Variants in ARFGEF1 observed in about 807,000 individuals in gnomAD.
The protein encoded by ARFGEF1 is ARF guanine nucleotide exchange factor 1.
In ARFGEF1, 42 loss-of-function variants were observed where a neutral mutation model predicts 231.0. The ratio of observed to expected loss-of-function variants is 0.18; its 90% CI spans 0.14 to 0.24. The LOEUF is 0.24. Ranked by LOEUF, ARFGEF1 falls within the 10% of genes least tolerant of loss-of-function variation. The pLI, the probability that ARFGEF1 is intolerant of heterozygous loss-of-function variation, is 1.00. For missense variants in ARFGEF1, 1,345 were observed against 2,192.0 expected (o/e 0.61, Z 7.72); for synonymous variants, 710 against 732.3 (o/e 0.97, Z 0.49).
chr8:67,268,842 T>C (rs573982273), intron 10 of ARFGEF1, among the ~76,000 whole-genome samples: 2 of 152,302 alleles, frequency 1.3e-5, no homozygotes, highest in African/African-American at 4.8e-5. Context: ...GCTTAATAAA[T>C]AGAACATAGA....
At chr8:67,310,098 C>G (rs1223678813) in intron 1 of ARFGEF1, among the ~76,000 whole-genome samples, 1 of 152,088 alleles carries the variant, frequency 6.6e-6, no homozygotes, top group African/African-American at 2.4e-5. Context: ...TCCCCTCTCC[C>G]TCTCCCTCTC....
chr8:67,240,914 C>T (rs1169077999), intron 19 of ARFGEF1, among the ~76,000 whole-genome samples: 1 of 152,018 alleles, frequency 6.6e-6, no homozygotes, highest in Non-Finnish European at 1.5e-5. Context: ...AATGAAGTTA[C>T]AATATAAAGC....
chr8:67,302,427 C>T lies in ARFGEF1; in HGVS notation c.155+9G>A, dbSNP rs763259617. ...ATTATTTTTACTAAAGAAAAGAAAT[C>T]CCACAAACCTCTGTTTTTCAGTTTC... On this transcript the variant is annotated intron_variant, in intron 2 of 38. Transcript: ENST00000262215. 55 of 1,562,394 alleles carry T rather than the reference C, an allele frequency of 3.5e-5. No homozygotes were observed. The highest frequency in any genetic ancestry group is 4.6e-5 in the Non-Finnish European group (53 of 1,159,180).
chr8:67,342,290 ACC>A (rs1385954586), intron 1 of ARFGEF1, among the ~76,000 whole-genome samples: 2 of 152,132 alleles, frequency 1.3e-5, no homozygotes, highest in African/African-American at 4.8e-5. Context: ...CATCTGCCTA[ACC>A]TCATAGGTAG....
At chr8:67,175,274 T>C (rs1404521015), downstream of ARFGEF1, 4 of 1,573,436 alleles carry the variant, frequency 2.5e-6, no homozygotes, top group Non-Finnish European at 3.5e-6. Flanking sequence ...AACTTAGTTA[T>C]ATAACATATT....
chr8:67,302,905 T>TAAAAAA (rs1563902346), intron 1 of ARFGEF1, among the ~76,000 whole-genome samples: 4 of 100,254 alleles, frequency 4.0e-5, no homozygotes, highest in African/African-American at 1.5e-4. Context: ...ACCCCATCTC[T>TAAAAAA]TAAAAAAAAA....
intron 1 of ARFGEF1, among the ~76,000 whole-genome samples, chr8:67,318,220 G>A (rs1490163262): frequency 2.2e-5 from 3 of 133,532 alleles, no homozygotes; most frequent in African/African-American, 8.4e-5. Context: ...CTAGGCAGCA[G>A]AGCCAGACTC....
chr8:67,285,689 T>A (rs954774265), intron 7 of ARFGEF1, among the ~76,000 whole-genome samples: 1 of 152,204 alleles, frequency 6.6e-6, no homozygotes, highest in Non-Finnish European at 1.5e-5. Flanking sequence ...GGGGGTAACC[T>A]GTCATTATGT....
downstream of ARFGEF1, chr8:67,193,470 AGTCGTCCTAAT>A: frequency 6.2e-7 from 1 of 1,612,856 alleles, no homozygotes; most frequent in Non-Finnish European, 8.5e-7. Context: ...ACAGGATAGC[AGTCGTCCTAAT>A]GTAGCACCAG....
rs750566726 is a variant in ARFGEF1 at position 67,253,416 on chromosome 8, T to G, written c.2698+35A>C. Reference sequence around the variant, plus strand: ...TCTTAGGAACCCATATTTTTCCCCTTGAACAATCAGAATTCAATTAATTTA... The same window carrying G: ...TCTTAGGAACCCATATTTTTCCCCTGGAACAATCAGAATTCAATTAATTTA... On this transcript the variant is annotated intron_variant, in intron 18 of 38. Transcript: ENST00000262215. 6 of 1,446,628 alleles carry G rather than the reference T, an allele frequency of 4.1e-6. No individual in the cohort carries two copies. In the Admixed American group the frequency reaches 1.2e-4, roughly 29 times the overall value. The allele number at this position is 1,446,628 out of a possible 1,614,324, so 89.6% of individuals were successfully genotyped here. A position where few individuals can be genotyped will look rare whatever the true frequency, so the allele number is the denominator to read the frequency against.
chr8:67,276,049 C>T lies in ARFGEF1; in HGVS notation c.1264G>A (p.Asp422Asn). The T allele has an allele frequency of 6.2e-7, 1 of 1,613,444 alleles. No homozygotes were observed. Among genetic ancestry groups the T allele is most frequent in the Non-Finnish European group, 8.5e-7 (1 of 1,179,554 alleles). The change falls in exon 9 of 39, where the codon GAT becomes AAT. Residue 422 changes from aspartate (D) to asparagine (N), a missense_variant. Around this residue, in one of 14 missense-constraint regions of ARFGEF1, gnomAD observed 141 missense variants for 259.9 expected, o/e 0.54. Coordinates refer to ENST00000262215, the MANE Select transcript of ARFGEF1 (RefSeq NM_006421.5). ...GAKFSHILQK[D>N]AFLVFRSLCK... ...AATGACCTGAATACTAGAAAGGCAT[C>T]CTTTTGTAAAATGTGGGAAAACTTA...
At chr8:67,295,935 T>C (rs563260877) in intron 5 of ARFGEF1, among the ~76,000 whole-genome samples, 58 of 152,310 alleles carry the variant, frequency 3.8e-4, no homozygotes, top group African/African-American at 1.3e-3. Context: ...TGAAGACTTA[T>C]GCATTTAAAA....
At chr8:67,266,322 T>C (rs1804849372) in intron 13 of ARFGEF1, 115 bp from the exon 14 acceptor site, 1 of 720,818 alleles carries the variant, frequency 1.4e-6, no homozygotes, top group Admixed American at 2.9e-5. Flanking sequence ...GATATCTATT[T>C]AATACAAAAT....
chr8:67,320,044 A>C (rs1280367185), intron 1 of ARFGEF1, among the ~76,000 whole-genome samples: 1 of 151,882 alleles, frequency 6.6e-6, no homozygotes, highest in Non-Finnish European at 1.5e-5. Flanking sequence ...AACAGAGCGA[A>C]ACCCTGTCTC....
At chr8:67,219,692 G>C in intron 29 of ARFGEF1, 132 bp from the exon 30 acceptor site, 1 of 932,094 alleles carries the variant, frequency 1.1e-6, no homozygotes. Context: ...CATGACACTG[G>C]GTTTTAAAAA....
At chr8:67,272,317 C>T (rs1379643048) in intron 9 of ARFGEF1, among the ~76,000 whole-genome samples, 1 of 152,072 alleles carries the variant, frequency 6.6e-6, no homozygotes, top group African/African-American at 2.4e-5. Context: ...CAGGCACCCA[C>T]CACCACGCCC....
chr8:67,272,596 A>G (rs1018058187), intron 9 of ARFGEF1, among the ~76,000 whole-genome samples: 18 of 152,210 alleles, frequency 1.2e-4, no homozygotes, highest in Non-Finnish European at 2.1e-4. Context: ...CTTCTTACAA[A>G]TCATCATCAA....
At chr8:67,343,093 A>ACGCCCCCCCCCCCCC in intron 1 of ARFGEF1, 71 bp downstream of exon 1, 1 of 184,674 alleles carries the variant, frequency 5.4e-6, no homozygotes, top group Non-Finnish European at 1.0e-5. Flanking sequence ...GGGCGACCCC[A>ACGCCCCCCCCCCCCC]CCCCCCCACA....
downstream of ARFGEF1, chr8:67,195,676 C>CCCCT: frequency 2.5e-6 from 3 of 1,213,478 alleles, no homozygotes; most frequent in Middle Eastern, 2.5e-4. Context: ...CTACTTTTGG[C>CCCCT]CCCTACCTGA....
Sources: allele counts gnomAD v4.1 joint callset (sites outside exome capture counted in the v4.1 genomes callset), GRCh38; gene constraint gnomAD v4.1.1; regional missense constraint gnomAD v4.1.1; transcripts MANE v1.5; gene names NCBI Gene and HGNC (gene_info 2026-07-23, HGNC 2026-07-21).